Variants in ABHD12 observed in about 807,000 individuals in gnomAD.
The protein encoded by ABHD12 is abhydrolase domain containing 12, lysophospholipase.
ABHD12 carries 43 observed loss-of-function variants against 58.3 expected under a neutral mutation model. That is an observed-to-expected ratio of 0.74 (90% CI 0.58 to 0.95). ABHD12 has a LOEUF of 0.95. Ranked by LOEUF, ABHD12 falls within the 40% of genes least tolerant of loss-of-function variation. The probability of loss-of-function intolerance (pLI) is 0.00; values close to 1 mark genes in which losing one functional copy is unlikely to be tolerated. For missense variants in ABHD12, 539 were observed against 537.2 expected (o/e 1.00, Z -0.03); for synonymous variants, 219 against 211.2 (o/e 1.04, Z -0.32).
At chr20:25,361,204 T>A (rs2089742389) in intron 1 of ABHD12, among the ~76,000 whole-genome samples, 1 of 152,212 alleles carries the variant, frequency 6.6e-6, no homozygotes, top group African/African-American at 2.4e-5. Flanking sequence ...CTCAGGCCCC[T>A]GCACTCTGAC....
intron 1 of ABHD12, among the ~76,000 whole-genome samples, chr20:25,386,260 TTTC>T (rs1042684738): frequency 2.1e-5 from 3 of 145,004 alleles, no homozygotes; most frequent in African/African-American, 4.9e-5. Flanking sequence ...TTTCTTTTTC[TTTC>T]TTTTTTTTTT....
chr20:25,303,464 C>A, intron 11 of ABHD12, 86 bp downstream of exon 11: 1 of 1,570,790 alleles, frequency 6.4e-7, no homozygotes. Flanking sequence ...GGCTGCCTTC[C>A]CGCCTGCCCA....
chr20:25,322,041 A>G (rs2089075856), intron 3 of ABHD12, among the ~76,000 whole-genome samples: 1 of 152,206 alleles, frequency 6.6e-6, no homozygotes, highest in Admixed American at 6.5e-5. Context: ...AAGCGACGTT[A>G]TGGCTACTGA....
rs1568727719 is a variant in ABHD12, at chr20:25,322,383, T to TATATATATATATATA, written c.422+941_422+942insTATATATATATATAT. Among the ~76,000 whole-genome samples the TATATATATATATATA allele has an allele frequency of 2.6e-3, 81 of 31,536 alleles. 1 individual carries two copies. The highest frequency in any genetic ancestry group is 0.011 in the African/African-American group (67 of 6,136). 20.7% of individuals were successfully genotyped at this position (31,536 alleles called of 152,430 possible). On this transcript the variant is annotated intron_variant, in intron 3 of 12. Transcript: ENST00000339157. ...AAAAGATATATATATATATATATAT[T>TATATATATATATATA]TTTTTTTTTTTTTGAGACAAGAGTC... is the stretch of plus-strand genomic sequence containing the variant.
downstream of ABHD12, among the ~76,000 whole-genome samples, chr20:25,299,469 G>A (rs553515718): frequency 1.3e-5 from 2 of 151,582 alleles, no homozygotes; most frequent in South Asian, 4.2e-4. Context: ...CCCCAGCCAA[G>A]TATCCCAAGT....
chr20:25,355,504 T>C (rs781696352), intron 1 of ABHD12, among the ~76,000 whole-genome samples: 1 of 152,154 alleles, frequency 6.6e-6, no homozygotes, highest in Non-Finnish European at 1.5e-5. Context: ...GGTTTTTTTG[T>C]TGTTTTGTAC....
At chr20:25,318,673 T>C (rs552609302) in intron 4 of ABHD12, among the ~76,000 whole-genome samples, 1 of 152,176 alleles carries the variant, frequency 6.6e-6, no homozygotes, top group East Asian at 1.9e-4. Context: ...CTTTTTTTTT[T>C]TTTTTTAACC....
chr20:25,307,679 C>T (rs1190973089), intron 9 of ABHD12, among the ~76,000 whole-genome samples: 3 of 152,226 alleles, frequency 2.0e-5, no homozygotes, highest in East Asian at 3.9e-4. Context: ...AACAGGAAGG[C>T]AGGGCTGTCA....
intron 5 of ABHD12, among the ~76,000 whole-genome samples, 182 bp from the exon 6 acceptor site, chr20:25,315,152 G>A (rs1243875034): frequency 1.3e-5 from 2 of 152,184 alleles, no homozygotes; most frequent in Non-Finnish European, 2.9e-5. Flanking sequence ...GATGCCAACT[G>A]CCACTGCAGG....
At chr20:25,343,503 A>G (rs2089481341) in intron 1 of ABHD12, among the ~76,000 whole-genome samples, 1 of 152,176 alleles carries the variant, frequency 6.6e-6, no homozygotes, top group African/African-American at 2.4e-5. Context: ...CCTGGGCAAC[A>G]TCTTCAAAAA....
Position 25,347,719 on chromosome 20 carries a change from C to G in ABHD12, c.192-8368G>C, listed in dbSNP as rs112106382. Reference sequence around the variant, plus strand: ...GTGTGCATGCCTGTGGTCCCAGCTACTTAGGAGGCTAAGATTGGAGGATCA... The same window carrying G: ...GTGTGCATGCCTGTGGTCCCAGCTAGTTAGGAGGCTAAGATTGGAGGATCA... On this transcript the variant is annotated intron_variant, in intron 1 of 12. Coordinates refer to ENST00000339157, the MANE Select transcript of ABHD12 (RefSeq NM_001042472.3). 6.9e-3 allele frequency among the ~76,000 whole-genome samples: 1,052 copies of G among 151,990 alleles called. 4 individuals are homozygous for G. Among genetic ancestry groups the G allele is most frequent in the Middle Eastern group, 0.02 (6 of 294 alleles).
At chr20:25,317,167 AG>A in intron 4 of ABHD12, 89 bp from the exon 5 acceptor site, 1 of 857,336 alleles carries the variant, frequency 1.2e-6, no homozygotes, top group Non-Finnish European at 2.0e-6. Context: ...AACCAGGGGG[AG>A]GCCAATGAAA....
At chr20:25,352,900 G>A (rs903034207) in intron 1 of ABHD12, among the ~76,000 whole-genome samples, 13 of 151,946 alleles carry the variant, frequency 8.6e-5, no homozygotes, top group Non-Finnish European at 1.5e-5. Context: ...AAAAATTAAC[G>A]AGATGTGGTG....
At chr20:25,341,938 CTACT>C (rs2089459709) in intron 1 of ABHD12, among the ~76,000 whole-genome samples, 1 of 152,064 alleles carries the variant, frequency 6.6e-6, no homozygotes, top group Non-Finnish European at 1.5e-5. Flanking sequence ...CTCCCACAAT[CTACT>C]TACTCATCCT....
At chr20:25,339,828 A>G in intron 1 of ABHD12, 2 of 1,150,222 alleles carry the variant, frequency 1.7e-6, no homozygotes, top group Non-Finnish European at 2.2e-6. Flanking sequence ...AACCTGCCTG[A>G]CCAGGTCCTC....
chr20:25,322,381 A>ATTTTTTTTTTTTTTT (rs199757666), intron 3 of ABHD12, among the ~76,000 whole-genome samples: 1 of 59,268 alleles, frequency 1.7e-5, no homozygotes, highest in African/African-American at 8.3e-5. Flanking sequence ...ATATATATAT[A>ATTTTTTTTTTTTTTT]TTTTTTTTTT....
chr20:25,294,937 C>A, exon 13 of ABHD12: 1 of 1,612,420 alleles, frequency 6.2e-7, no homozygotes, highest in Non-Finnish European at 8.5e-7. Flanking sequence ...GTTTTGTCTG[C>A]TGCTCTTCGA....
chr20:25,331,663 A>G (rs1260987311), intron 2 of ABHD12, among the ~76,000 whole-genome samples: 4 of 152,216 alleles, frequency 2.6e-5, no homozygotes, highest in Non-Finnish European at 5.9e-5. Context: ...ACATTCTTAA[A>G]GAAAAGAATT....
chr20:25,337,123 C>T (rs892652050), intron 2 of ABHD12, among the ~76,000 whole-genome samples: 4 of 152,112 alleles, frequency 2.6e-5, no homozygotes, highest in Admixed American at 6.5e-5. Context: ...ATTAGCCAGA[C>T]GTTGTGGTGG....
Sources: gnomAD v4.1 joint callset for allele counts (sites outside exome capture counted in the v4.1 genomes callset) on GRCh38, gnomAD v4.1.1 for gene constraint, MANE v1.5 for transcripts, NCBI Gene and HGNC (gene_info 2026-07-23, HGNC 2026-07-21) for gene names.